Variants in ADARB2 observed in about 807,000 individuals in gnomAD.
ADARB2 encodes inactive double-stranded RNA-specific editase B2.
In ADARB2, 25 loss-of-function variants were observed where a neutral mutation model predicts 62.2. That is an observed-to-expected ratio of 0.40 (90% CI 0.29 to 0.56). ADARB2 has a LOEUF of 0.56. ADARB2 is among the 20% of genes least tolerant of loss of function. The pLI, the probability that ADARB2 is intolerant of heterozygous loss-of-function variation, is 0.43. For missense variants in ADARB2, 1,071 were observed against 1,077.4 expected, an observed-to-expected ratio of 0.99 and a Z score of 0.08; for synonymous variants, 572 against 500.8, an observed-to-expected ratio of 1.14 and a Z score of -1.90.
Position 1,302,885 on chromosome 10 carries a change from C to T in ADARB2, c.1078-31816G>A, listed in dbSNP as rs1384566289. On this transcript the variant is annotated intron_variant, in intron 3 of 9. Coordinates refer to ENST00000381312, the MANE Select transcript of ADARB2 (RefSeq NM_018702.4). ...CACCAAAAACCCATCTGTACATCACCATCATCAAAGACCAAAAGTAGATAA... is the reference window on the plus strand; with the variant it reads ...CACCAAAAACCCATCTGTACATCACTATCATCAAAGACCAAAAGTAGATAA... Among the ~76,000 whole-genome samples, 23 of 152,064 alleles carry T rather than the reference C, an allele frequency of 1.5e-4. 1 individual carries two copies.
At chr10:1,407,411 G>A (rs999992107) in intron 1 of ADARB2, among the ~76,000 whole-genome samples, 5 of 152,208 alleles carry the variant, frequency 3.3e-5, no homozygotes, top group African/African-American at 1.2e-4. Flanking sequence ...GGGGTCTCTG[G>A]CTTAACCCCT....
chr10:1,331,977 A>G (rs1269938224), intron 3 of ADARB2, among the ~76,000 whole-genome samples: 1 of 152,216 alleles, frequency 6.6e-6, no homozygotes, highest in African/African-American at 2.4e-5. Flanking sequence ...ATTTTCAGAA[A>G]AGATACTCCT....
chr10:1,188,803 T>TG (rs1396918275), intron 8 of ADARB2, among the ~76,000 whole-genome samples: 2 of 152,230 alleles, frequency 1.3e-5, no homozygotes, highest in African/African-American at 4.8e-5. Flanking sequence ...TGGATGCTCA[T>TG]GTCAGTCTCA....
intron 4 of ADARB2, among the ~76,000 whole-genome samples, chr10:1,257,470 C>T (rs1831090174): frequency 6.6e-6 from 1 of 152,220 alleles, no homozygotes; most frequent in Admixed American, 6.5e-5. Context: ...GGTCAGCACT[C>T]AGGGATCAGA....
At chr10:1,210,908 T>G (rs1203415710) in intron 7 of ADARB2, among the ~76,000 whole-genome samples, 1 of 152,056 alleles carries the variant, frequency 6.6e-6, no homozygotes, top group African/African-American at 2.4e-5. Context: ...CATAGCCAAG[T>G]CAGCCGGTGC....
chr10:1,418,585 CA>C lies in ADARB2; in HGVS notation c.101-39426del, dbSNP rs1389481867. ...GGGAAAAACAGCCCGCAGTAAAAAG[CA>C]GTTGTCCGAAGCTTCTGGTGTCTTG... is the stretch of plus-strand genomic sequence containing the variant. On this transcript the variant is annotated intron_variant, in intron 1 of 9. Transcript: ENST00000381312. Among the ~76,000 whole-genome samples, 5 of 152,310 alleles carry C rather than the reference CA, an allele frequency of 3.3e-5. No individual in the cohort carries two copies. In the South Asian group the frequency reaches 8.3e-4, roughly 25 times the overall value.
In ADARB2 at chr10:1,179,939, C is replaced by T. The variant is rs936903067; in HGVS notation, c.*3254G>A. ...AAAGTGACCCATCCCCTACTTGTGT[C>T]GTGCCCAGCGTATTTTCAGGGTGAC... On this transcript the variant is annotated 3_prime_UTR_variant, in exon 10 of 10. Coordinates refer to ENST00000381312, the MANE Select transcript of ADARB2 (RefSeq NM_018702.4). The T allele has an allele frequency of 1.3e-5, 2 of 151,956 alleles. No individual in the cohort carries two copies. The highest frequency in any genetic ancestry group is 2.1e-4 in the South Asian group (1 of 4,808). The allele number at this position is 151,956 out of a possible 1,614,324, so 9.4% of individuals were successfully genotyped here.
intron 1 of ADARB2, among the ~76,000 whole-genome samples, chr10:1,510,116 CTTTCTT>C (rs1564312508): frequency 0.01 from 1,069 of 101,832 alleles, 8 homozygotes; most frequent in Non-Finnish European, 0.014. Flanking sequence ...TTCTCTCTTT[CTTTCTT>C]TCTTTCTTTC....
chr10:1,671,559 C>T (rs780516757), intron 1 of ADARB2, among the ~76,000 whole-genome samples: 7 of 152,134 alleles, frequency 4.6e-5, no homozygotes, highest in African/African-American at 1.7e-4. Context: ...CGGGACAGGG[C>T]CAACTTGCCC....
chr10:1,533,285 A>AT (rs1326069785), intron 1 of ADARB2, among the ~76,000 whole-genome samples: 1 of 75,922 alleles, frequency 1.3e-5, no homozygotes, highest in South Asian at 5.4e-4. Context: ...TGCCTGGCTC[A>AT]TTCTTTTTTT....
chr10:1,311,744 C>T (rs536836282), intron 3 of ADARB2, among the ~76,000 whole-genome samples: 3 of 152,358 alleles, frequency 2.0e-5, no homozygotes, highest in Admixed American at 2.0e-4. Flanking sequence ...ACCCCTGTCA[C>T]TGCTACCTGG....
At chr10:1,230,675 C>T (rs11598359) in intron 6 of ADARB2, among the ~76,000 whole-genome samples, 2,195 of 152,242 alleles carry the variant, frequency 0.014, 28 homozygotes, top group South Asian at 0.027. Context: ...AAGCAGAGAA[C>T]AGCAGGAACT....
chr10:1,474,422 T>C (rs1239727116), intron 1 of ADARB2, among the ~76,000 whole-genome samples: 2 of 152,152 alleles, frequency 1.3e-5, no homozygotes, highest in Non-Finnish European at 2.9e-5. Flanking sequence ...TGGGGGTCAG[T>C]GGGTCTTCAG....
At chr10:1,535,385 G>A (rs1409826134) in intron 1 of ADARB2, among the ~76,000 whole-genome samples, 1 of 152,088 alleles carries the variant, frequency 6.6e-6, no homozygotes, top group African/African-American at 2.4e-5. Context: ...CTGAGTTCTC[G>A]GTAAACACAA....
At chr10:1,540,438 C>A (rs983065776) in intron 1 of ADARB2, among the ~76,000 whole-genome samples, 1 of 151,884 alleles carries the variant, frequency 6.6e-6, no homozygotes, top group African/African-American at 2.4e-5. Context: ...CCCACTCAGA[C>A]GCAATTTGAA....
At chr10:1,422,358 G>A (rs186338622) in intron 1 of ADARB2, among the ~76,000 whole-genome samples, 40 of 152,340 alleles carry the variant, frequency 2.6e-4, no homozygotes, top group Admixed American at 2.2e-3. Flanking sequence ...ATAAGGACTC[G>A]GGAGTGAGAG....
intron 1 of ADARB2, among the ~76,000 whole-genome samples, chr10:1,461,506 G>A (rs1371836304): frequency 1.6e-5 from 2 of 123,684 alleles, no homozygotes; most frequent in African/African-American, 3.5e-5. Flanking sequence ...CTTTCCCTGT[G>A]CATATATATT....
chr10:1,316,515 C>A (rs1462736748), intron 3 of ADARB2, among the ~76,000 whole-genome samples: 1 of 152,188 alleles, frequency 6.6e-6, no homozygotes, highest in Non-Finnish European at 1.5e-5. Flanking sequence ...TTGGTTTGAT[C>A]TAAAATAATC....
intron 3 of ADARB2, among the ~76,000 whole-genome samples, chr10:1,285,646 C>T (rs1589177985): frequency 6.6e-6 from 1 of 152,224 alleles, no homozygotes; most frequent in African/African-American, 2.4e-5. Context: ...AAAGGCTGCT[C>T]TGTTAGCTCC....
Sources: allele counts gnomAD v4.1 joint callset (sites outside exome capture counted in the v4.1 genomes callset), GRCh38; gene constraint gnomAD v4.1.1; transcripts MANE v1.5; gene names NCBI Gene and HGNC (gene_info 2026-07-23, HGNC 2026-07-21).